The following ANK3 variants were observed in gnomAD, a reference collection of about 807,000 sequenced individuals.
ANK3 encodes the protein ankyrin-3.
In ANK3, 57 loss-of-function variants were observed where a neutral mutation model predicts 370.9. The observed-to-expected ratio is 0.15, with a 90% CI of 0.12 to 0.19. The LOEUF (loss-of-function observed/expected upper bound fraction) is 0.19. Ranked by LOEUF, ANK3 falls within the 10% of genes least tolerant of loss-of-function variation. ANK3 has a pLI of 1.00. For synonymous variants in ANK3, 1,929 were observed against 1,946.3 expected, an observed-to-expected ratio of 0.99 and a Z score of 0.23; for missense variants, 4,439 against 5,302.1, an observed-to-expected ratio of 0.84 and a Z score of 5.06.
intron 16 of ANK3, among the ~76,000 whole-genome samples, chr10:60,193,947 C>G (rs1394359280): frequency 6.6e-6 from 1 of 152,026 alleles, no homozygotes; most frequent in East Asian, 1.9e-4. Context: ...ACAGTGAAAC[C>G]CTGTCTCTAC....
intron 26 of ANK3, among the ~76,000 whole-genome samples, chr10:60,110,669 G>A (rs2092640830): frequency 6.6e-6 from 1 of 152,088 alleles, no homozygotes; most frequent in Non-Finnish European, 1.5e-5. Context: ...TTAGACATAC[G>A]TATATTTAAC....
chr10:60,224,444 A>C (rs1446542829), intron 8 of ANK3, among the ~76,000 whole-genome samples: 1 of 152,132 alleles, frequency 6.6e-6, no homozygotes, highest in Non-Finnish European at 1.5e-5. Flanking sequence ...GTACATGCGA[A>C]GGTCAAAAGA....
At chr10:60,618,598 G>C (rs1177573274) in intron 1 of ANK3, among the ~76,000 whole-genome samples, 5 of 152,114 alleles carry the variant, frequency 3.3e-5, no homozygotes, top group Admixed American at 3.3e-4. Context: ...TGAGTTAGCA[G>C]GTAAGAAGGA....
chr10:60,448,783 T>C (rs1300910656), intron 2 of ANK3, among the ~76,000 whole-genome samples: 1 of 152,214 alleles, frequency 6.6e-6, no homozygotes, highest in Non-Finnish European at 1.5e-5. Context: ...ACTAATTCCT[T>C]TGAGATATCT....
At chr10:60,631,467 G>A (rs1041016289) in intron 1 of ANK3, among the ~76,000 whole-genome samples, 1 of 152,088 alleles carries the variant, frequency 6.6e-6, no homozygotes, top group African/African-American at 2.4e-5. Flanking sequence ...GGGAGGCAGA[G>A]GTTGCAGTAA....
intron 7 of ANK3, among the ~76,000 whole-genome samples, chr10:60,247,174 C>T (rs561654662): frequency 1.3e-5 from 2 of 152,040 alleles, no homozygotes; most frequent in African/African-American, 4.8e-5. Flanking sequence ...CGCCACCACG[C>T]CCAGCTAATT....
At chr10:60,723,076 A>T (rs995569408) in intron 1 of ANK3, among the ~76,000 whole-genome samples, 8 of 152,270 alleles carry the variant, frequency 5.3e-5, no homozygotes, top group African/African-American at 1.7e-4. Context: ...TAAAGAGTAC[A>T]TTAAAAATAT....
intron 18 of ANK3, among the ~76,000 whole-genome samples, chr10:60,173,797 T>A (rs1445293580): frequency 6.6e-6 from 1 of 152,146 alleles, no homozygotes; most frequent in Non-Finnish European, 1.5e-5. Flanking sequence ...ATTCACTGAT[T>A]TAGACAAGAA....
intron 2 of ANK3, among the ~76,000 whole-genome samples, chr10:60,470,352 T>C (rs190080046): frequency 1.4e-4 from 21 of 152,194 alleles, no homozygotes; most frequent in Admixed American, 7.2e-4. Flanking sequence ...TAGATAACCA[T>C]GACAATAAAT....
At chr10:60,630,140 T>G (rs1314563807) in intron 1 of ANK3, among the ~76,000 whole-genome samples, 1 of 152,178 alleles carries the variant, frequency 6.6e-6, no homozygotes, top group Non-Finnish European at 1.5e-5. Context: ...TCATTTAATC[T>G]GAGTGTCAGT....
At chr10:60,078,345 C>A (rs772836300) in intron 36 of ANK3, among the ~76,000 whole-genome samples, 4 of 152,172 alleles carry the variant, frequency 2.6e-5, no homozygotes, top group Admixed American at 6.5e-5. Flanking sequence ...TTCATTACCC[C>A]TTCTTGCCAT....
chr10:60,659,636 A>G (rs1280167598), intron 1 of ANK3, among the ~76,000 whole-genome samples: 1 of 152,088 alleles, frequency 6.6e-6, no homozygotes, highest in Non-Finnish European at 1.5e-5. Flanking sequence ...AAAAGAGTAT[A>G]TCCTTAGTTT....
At chr10:60,623,854 G>C (rs1018704105) in intron 1 of ANK3, among the ~76,000 whole-genome samples, 1 of 152,176 alleles carries the variant, frequency 6.6e-6, no homozygotes, top group Non-Finnish European at 1.5e-5. Context: ...CAGAGTCTAT[G>C]CAAACAATGT....
At chr10:60,213,209 C>T (rs1194032423) in intron 9 of ANK3, among the ~76,000 whole-genome samples, 1 of 152,110 alleles carries the variant, frequency 6.6e-6, no homozygotes, top group African/African-American at 2.4e-5. Context: ...ACCACACACA[C>T]ACAAACAACT....
intron 2 of ANK3, among the ~76,000 whole-genome samples, chr10:60,399,950 A>C (rs2063321497): frequency 6.6e-6 from 1 of 152,046 alleles, no homozygotes; most frequent in African/African-American, 2.4e-5. Context: ...TTTCTAGATG[A>C]AAATTAGCTT....
chr10:60,272,089 TTGTGTGTGTGTGTGTGTGTGTG>T (rs5785433), intron 4 of ANK3, among the ~76,000 whole-genome samples: 1 of 145,734 alleles, frequency 6.9e-6, no homozygotes, highest in Non-Finnish European at 1.5e-5. Context: ...ACTGTGGGAT[TTGTGTGTGTGTGTGTGTGTGTG>T]TGTGTGTGTG....
At chr10:60,470,995 T>C (rs2065204708) in intron 2 of ANK3, among the ~76,000 whole-genome samples, 1 of 152,102 alleles carries the variant, frequency 6.6e-6, no homozygotes, top group African/African-American at 2.4e-5. Flanking sequence ...CTGGTGCCCT[T>C]ATTATTTCTT....
chr10:60,191,273 G>A (rs1195384170), intron 16 of ANK3, among the ~76,000 whole-genome samples: 1 of 151,944 alleles, frequency 6.6e-6, no homozygotes, highest in Non-Finnish European at 1.5e-5. Flanking sequence ...CATAGCAAAA[G>A]AGATAATCAA....
chr10:60,660,819 A>AGTGTGACTC (rs1327277251), intron 1 of ANK3, among the ~76,000 whole-genome samples: 1 of 152,114 alleles, frequency 6.6e-6, no homozygotes, highest in Non-Finnish European at 1.5e-5. Flanking sequence ...TGAGCTCAAC[A>AGTGTGACTC]GTGTGACTCT....
Sources: gnomAD v4.1 joint callset for allele counts (sites outside exome capture counted in the v4.1 genomes callset) on GRCh38, gnomAD v4.1.1 for gene constraint, MANE v1.5 for transcripts, NCBI Gene and HGNC (gene_info 2026-07-23, HGNC 2026-07-21) for gene names.